Variants in TOMM20 observed in about 807,000 individuals in gnomAD.
TOMM20 encodes the protein translocase of outer mitochondrial membrane 20.
In TOMM20, 10 loss-of-function variants were observed where a neutral mutation model predicts 22.1. The ratio of observed to expected loss-of-function variants is 0.45; its 90% confidence interval spans 0.28 to 0.77. TOMM20 has a LOEUF of 0.77. TOMM20 is among the 30% of genes least tolerant of loss of function. The pLI is 0.13. For synonymous variants in TOMM20, 55 were observed against 61.4 expected (o/e 0.90, Z 0.49); for missense variants, 121 against 172.2 (o/e 0.70, Z 1.66).
chr1:235,118,652 A>G (rs886079059), intron 3 of TOMM20, among the ~76,000 whole-genome samples: 1 of 152,192 alleles, frequency 6.6e-6, no homozygotes, highest in Non-Finnish European at 1.5e-5. Context: ...TCAGTCTCTG[A>G]GTAGCTGGCT....
chr1:235,124,400 T>C (rs1409834564), intron 1 of TOMM20, among the ~76,000 whole-genome samples: 1 of 152,204 alleles, frequency 6.6e-6, no homozygotes, highest in Non-Finnish European at 1.5e-5. Flanking sequence ...ATTTTCCAGA[T>C]GAGAAAATGT....
intron 1 of TOMM20, among the ~76,000 whole-genome samples, chr1:235,126,212 T>G (rs1228755604): frequency 6.6e-6 from 1 of 151,832 alleles, no homozygotes. Context: ...CTCTGCTCAC[T>G]GCAACCTCCA....
rs959272033 is a variant in TOMM20 at position 235,110,687 on chromosome 1, A to G, written c.*1377T>C. On this transcript the variant is annotated 3_prime_UTR_variant, in exon 5 of 5. Coordinates refer to ENST00000366607, the MANE Select transcript of TOMM20 (RefSeq NM_014765.3). ...TTCTCCTTCCACTGCACCACAAAAA[A>G]ACCGAGATTGATAATGATTAAGAAG... The G allele has an allele frequency of 6.6e-6, 1 of 152,226 alleles. No individual in the cohort carries two copies. Among genetic ancestry groups the G allele is most frequent in the African/African-American group, 2.4e-5 (1 of 41,464 alleles). 9.4% of individuals were successfully genotyped at this position (152,226 alleles called of 1,614,324 possible). A position where few individuals can be genotyped will look rare whatever the true frequency, so the allele number is the denominator to read the frequency against.
Position 235,116,911 on chromosome 1 carries a change from G to A in TOMM20, c.250+2907C>T, listed in dbSNP as rs185559393. On this transcript the variant is annotated intron_variant, in intron 3 of 4. Coordinates refer to ENST00000366607, the MANE Select transcript of TOMM20 (RefSeq NM_014765.3). ...AGCACTTTGGGAGGCCAAGGCGGGC[G>A]GATCACAAGGTCAGGAGATCGAGAC... Among the ~76,000 whole-genome samples the A allele has an allele frequency of 3.6e-4, 55 of 151,920 alleles. No individual in the cohort carries two copies. The South Asian group carries it at 3.7e-3, about 10-fold the overall frequency.
chr1:235,122,183 A>C, intron 2 of TOMM20, 143 bp downstream of exon 2: 1 of 622,216 alleles, frequency 1.6e-6, no homozygotes, highest in Non-Finnish European at 2.5e-6. Flanking sequence ...CTACTCCTAA[A>C]AATAAGCTGT....
intron 4 of TOMM20, among the ~76,000 whole-genome samples, chr1:235,113,052 A>T (rs963164198): frequency 7.9e-5 from 12 of 152,210 alleles, no homozygotes; most frequent in African/African-American, 2.9e-4. Flanking sequence ...AGTTCTGTAA[A>T]TACTTCCTAT....
intron 1 of TOMM20, chr1:235,127,955 C>A (rs763074422): frequency 1.6e-5 from 8 of 515,516 alleles, no homozygotes; most frequent in Middle Eastern, 6.6e-4. Flanking sequence ...CCAGGCGGAT[C>A]ATCTGAGGTC....
chr1:235,122,185 A>T, intron 2 of TOMM20, 141 bp downstream of exon 2: 2 of 623,326 alleles, frequency 3.2e-6, no homozygotes, highest in Non-Finnish European at 5.0e-6. Context: ...ACTCCTAAAA[A>T]TAAGCTGTAT....
At chr1:235,115,978 C>G (rs1048761168) in intron 3 of TOMM20, among the ~76,000 whole-genome samples, 2 of 152,226 alleles carry the variant, frequency 1.3e-5, no homozygotes, top group Non-Finnish European at 2.9e-5. Context: ...GAAACCAGTG[C>G]AAATGCCAAT....
At chr1:235,112,453 C>T (rs984835254) in intron 4 of TOMM20, among the ~76,000 whole-genome samples, 1 of 152,154 alleles carries the variant, frequency 6.6e-6, no homozygotes, top group Non-Finnish European at 1.5e-5. Context: ...GATCCTCCCC[C>T]ACCTCAGCCT....
chr1:235,122,293 A>C lies in TOMM20; in HGVS notation c.168+33T>G, dbSNP rs373651697. The C allele has an allele frequency of 8.3e-6, 12 of 1,448,942 alleles. No homozygotes were observed. The African/African-American group carries it at 1.6e-4, about 19-fold the overall frequency. 89.8% of individuals were successfully genotyped at this position (1,448,942 alleles called of 1,614,324 possible). A position where few individuals can be genotyped will look rare whatever the true frequency, so the allele number is the denominator to read the frequency against. On this transcript the variant is annotated intron_variant, in intron 2 of 4. Transcript: ENST00000366607. ...AGATTTTAAAATAATATTTCTACAA[A>C]ATATATAATTTAAACAGAAACCAGA... is the stretch of plus-strand genomic sequence containing the variant.
intron 4 of TOMM20, 120 bp downstream of exon 4, chr1:235,113,648 T>C (rs1192343718): frequency 6.2e-6 from 8 of 1,294,018 alleles, no homozygotes; most frequent in Admixed American, 2.8e-5. Context: ...ATCTCCCATA[T>C]TGTTTTCATT....
At chr1:235,117,033 G>A (rs1052141631) in intron 3 of TOMM20, among the ~76,000 whole-genome samples, 1 of 149,992 alleles carries the variant, frequency 6.7e-6, no homozygotes, top group African/African-American at 2.5e-5. Context: ...TACTCGGGAG[G>A]CTGAGGCAGG....
In TOMM20 at chr1:235,123,783, T is replaced by C. The variant is rs1180386870; in HGVS notation, c.122-1411A>G. 2.6e-5 allele frequency among the ~76,000 whole-genome samples: 4 copies of C among 152,234 alleles called. No homozygotes were observed. The East Asian group carries it at 7.7e-4, about 29-fold the overall frequency. ...TGGGGAAAAAGGATAAAGAACATAA[T>C]TCAACCCTCCATTTGCTTATGGGTT... On this transcript the variant is annotated intron_variant, in intron 1 of 4. Coordinates refer to ENST00000366607, the MANE Select transcript of TOMM20 (RefSeq NM_014765.3).
At chr1:235,113,323 C>G (rs1370799937) in intron 4 of TOMM20, among the ~76,000 whole-genome samples, 2 of 152,186 alleles carry the variant, frequency 1.3e-5, no homozygotes, top group Non-Finnish European at 2.9e-5. Context: ...AGGCATGAGC[C>G]TTTACACAAG....
chr1:235,117,959 G>A (rs778097565), intron 3 of TOMM20, among the ~76,000 whole-genome samples: 1 of 152,214 alleles, frequency 6.6e-6, no homozygotes, highest in Non-Finnish European at 1.5e-5. Context: ...AAATGATGAT[G>A]TAGTGATACC....
Position 235,119,815 on chromosome 1 carries a change from T to C in TOMM20, c.250+3A>G. 3.7e-6 allele frequency: 6 copies of C among 1,605,950 alleles called. No homozygotes were observed. Among genetic ancestry groups the C allele is most frequent in the Non-Finnish European group, 4.3e-6 (5 of 1,174,014 alleles). ...ATTTCCTTAGCTTTTCAATGACTATTACCTTGAGCTAGTAACTCTTCACCA... is the reference window on the plus strand; with the variant it reads ...ATTTCCTTAGCTTTTCAATGACTATCACCTTGAGCTAGTAACTCTTCACCA... On this transcript the variant is annotated splice_donor_region_variant and intron_variant, in intron 3 of 4. Coordinates refer to ENST00000366607, the MANE Select transcript of TOMM20 (RefSeq NM_014765.3).
chr1:235,112,307 T>A (rs969370174), intron 4 of TOMM20, among the ~76,000 whole-genome samples, 199 bp from the exon 5 acceptor site: 5 of 152,274 alleles, frequency 3.3e-5, no homozygotes, highest in African/African-American at 9.6e-5. Context: ...CAATCCCATT[T>A]CAAAAGTCAA....
chr1:235,123,543 TTTCTTAGTCAACC>T (rs906194055), intron 1 of TOMM20, among the ~76,000 whole-genome samples: 1 of 152,158 alleles, frequency 6.6e-6, no homozygotes, highest in African/African-American at 2.4e-5. Flanking sequence ...CAAGGTACCT[TTTCTTAGTCAACC>T]CTCATAAACT....
Sources: allele counts gnomAD v4.1 joint callset (sites outside exome capture counted in the v4.1 genomes callset), GRCh38; gene constraint gnomAD v4.1.1; transcripts MANE v1.5; gene names NCBI Gene and HGNC (gene_info 2026-07-23, HGNC 2026-07-21).